Variants in ELMO1 observed in about 807,000 individuals in gnomAD.
The protein encoded by ELMO1 is engulfment and cell motility 1.
In ELMO1, 26 loss-of-function variants were observed where a neutral mutation model predicts 98.9. The observed-to-expected ratio is 0.26, with a 90% CI of 0.19 to 0.36. The LOEUF is 0.36. ELMO1 is among the 10% of genes least tolerant of loss of function. The pLI is 1.00. For missense variants in ELMO1, 627 were observed against 935.2 expected (o/e 0.67, Z 4.30); for synonymous variants, 346 against 346.0 (o/e 1.00, Z 0.00).
chr7:36,881,079 TAA>T (rs1804415205), intron 18 of ELMO1, among the ~76,000 whole-genome samples: 1 of 152,216 alleles, frequency 6.6e-6, no homozygotes, highest in Non-Finnish European at 1.5e-5. Flanking sequence ...ATCACAGATA[TAA>T]GTGATGTGTT....
chr7:37,166,684 T>C (rs959464087), intron 13 of ELMO1, among the ~76,000 whole-genome samples: 2 of 152,248 alleles, frequency 1.3e-5, no homozygotes, highest in African/African-American at 4.8e-5. Context: ...CTAGTTTGAT[T>C]GCACTGTGGT....
At chr7:37,133,304 T>C (rs756432725) in intron 13 of ELMO1, 70 bp from the exon 14 acceptor site, 83 of 1,226,384 alleles carry the variant, frequency 6.8e-5, no homozygotes, top group Non-Finnish European at 9.7e-5. Flanking sequence ...GAGATCTGAT[T>C]TCCCTCCTCA....
chr7:37,359,371 T>G (rs1801612877), intron 1 of ELMO1, among the ~76,000 whole-genome samples: 1 of 152,194 alleles, frequency 6.6e-6, no homozygotes, highest in Admixed American at 6.5e-5. Flanking sequence ...TTGGGAAAAT[T>G]CCTCTCTGTG....
chr7:37,169,562 T>C (rs1379733710), intron 13 of ELMO1, among the ~76,000 whole-genome samples: 1 of 152,214 alleles, frequency 6.6e-6, no homozygotes, highest in Non-Finnish European at 1.5e-5. Context: ...CTGAAAAAAA[T>C]GTATTGTTAA....
chr7:36,957,845 G>A (rs571836833), intron 16 of ELMO1, among the ~76,000 whole-genome samples: 2 of 152,168 alleles, frequency 1.3e-5, no homozygotes, highest in East Asian at 3.9e-4. Flanking sequence ...CAAATACCTC[G>A]CTTTGCATGT....
At chr7:37,267,038 T>TATACACAC (rs1253737400) in intron 5 of ELMO1, among the ~76,000 whole-genome samples, 6 of 100,318 alleles carry the variant, frequency 6.0e-5, no homozygotes, top group East Asian at 2.6e-4. Context: ...TATGTATATA[T>TATACACAC]ACACACACAC....
At chr7:36,880,149 T>C (rs927458047) in intron 18 of ELMO1, among the ~76,000 whole-genome samples, 5 of 152,192 alleles carry the variant, frequency 3.3e-5, no homozygotes, top group Non-Finnish European at 7.3e-5. Context: ...ATCTAGGTGA[T>C]ACGTTTGGCT....
At chr7:37,151,380 G>C (rs529192083) in intron 13 of ELMO1, among the ~76,000 whole-genome samples, 4 of 152,218 alleles carry the variant, frequency 2.6e-5, no homozygotes, top group Non-Finnish European at 5.9e-5. Context: ...CTTCAGCACA[G>C]GTGAATCAAT....
intron 14 of ELMO1, among the ~76,000 whole-genome samples, chr7:37,118,808 G>A (rs1194187656): frequency 6.6e-6 from 1 of 152,172 alleles, no homozygotes; most frequent in Non-Finnish European, 1.5e-5. Flanking sequence ...TGGGGAGGGA[G>A]TGTAAGCCCT....
At chr7:37,199,624 C>T (rs1191028505) in intron 13 of ELMO1, among the ~76,000 whole-genome samples, 8 of 152,122 alleles carry the variant, frequency 5.3e-5, no homozygotes, top group Non-Finnish European at 1.5e-5. Context: ...ATATCCCATA[C>T]GAAAGTCACC....
intron 16 of ELMO1, among the ~76,000 whole-genome samples, chr7:36,970,329 T>C (rs1233149455): frequency 6.6e-6 from 1 of 152,188 alleles, no homozygotes; most frequent in Non-Finnish European, 1.5e-5. Context: ...CGGCATTCTA[T>C]ACAATAAAAT....
intron 1 of ELMO1, among the ~76,000 whole-genome samples, chr7:37,379,364 A>G (rs916424775): frequency 4.6e-5 from 7 of 152,002 alleles, no homozygotes; most frequent in Non-Finnish European, 8.8e-5. Context: ...CTTCTTCATT[A>G]CTTTTCAGCC....
chr7:37,141,062 T>C (rs568840392), intron 13 of ELMO1, among the ~76,000 whole-genome samples: 1 of 152,276 alleles, frequency 6.6e-6, no homozygotes, highest in African/African-American at 2.4e-5. Flanking sequence ...AGTCATTATA[T>C]GAAAAAGATA....
At chr7:37,068,721 G>T (rs529888256) in intron 15 of ELMO1, among the ~76,000 whole-genome samples, 25 of 152,186 alleles carry the variant, frequency 1.6e-4, no homozygotes, top group South Asian at 6.2e-4. Flanking sequence ...TGTTCATGCT[G>T]GTTTACAAAA....
At chr7:36,970,774 G>C (rs1205743702) in intron 16 of ELMO1, among the ~76,000 whole-genome samples, 1 of 152,184 alleles carries the variant, frequency 6.6e-6, no homozygotes, top group Non-Finnish European at 1.5e-5. Flanking sequence ...GAGTTACTTA[G>C]GTATGTGGTT....
intron 13 of ELMO1, among the ~76,000 whole-genome samples, chr7:37,164,129 A>G (rs533916434): frequency 1.3e-5 from 2 of 152,318 alleles, no homozygotes; most frequent in South Asian, 2.1e-4. Flanking sequence ...GGCTGCATAA[A>G]TGTCTTCTTT....
intron 18 of ELMO1, among the ~76,000 whole-genome samples, chr7:36,880,062 T>C (rs568264305): frequency 5.1e-4 from 78 of 152,314 alleles, no homozygotes; most frequent in Non-Finnish European, 9.6e-4. Context: ...ACGGATACTT[T>C]CCCCTGCCCT....
At chr7:36,950,351 T>C (rs1787868670) in intron 16 of ELMO1, among the ~76,000 whole-genome samples, 1 of 152,230 alleles carries the variant, frequency 6.6e-6, no homozygotes, top group African/African-American at 2.4e-5. Context: ...CTGCAGGAGA[T>C]GAGCAGAGTC....
Position 36,853,378 on chromosome 7 carries a change from A to G in ELMO1, c.*2173T>C, listed in dbSNP as rs1433085139. 1.3e-5 allele frequency among the ~76,000 whole-genome samples: 2 copies of G among 152,170 alleles called. No homozygotes were observed. The highest frequency in any genetic ancestry group is 6.5e-5 in the Admixed American group (1 of 15,284). ...AACCCAGTGTCTCAGGACCTCAGAG[A>G]TCCTGGTCCAGAAAGTTCCCTTTTT... On this transcript the variant is annotated 3_prime_UTR_variant, in exon 22 of 22. Transcript: ENST00000310758.
Sources: gnomAD v4.1 joint callset for allele counts (sites outside exome capture counted in the v4.1 genomes callset) on GRCh38, gnomAD v4.1.1 for gene constraint, MANE v1.5 for transcripts, NCBI Gene and HGNC (gene_info 2026-07-23, HGNC 2026-07-21) for gene names.